Variants in CDH4 observed in about 807,000 individuals in gnomAD.
The protein encoded by CDH4 is cadherin-4.
In CDH4, 33 loss-of-function variants were observed where a neutral mutation model predicts 86.0. The ratio of observed to expected loss-of-function variants is 0.38; its 90% confidence interval spans 0.29 to 0.51. CDH4 has a LOEUF of 0.51. Among genes scored for constraint, CDH4 ranks in the 20% least tolerant of loss-of-function variants. The probability of loss-of-function intolerance (pLI) is 0.86; values close to 1 mark genes in which losing one functional copy is unlikely to be tolerated. For synonymous variants in CDH4, 555 were observed against 549.4 expected (o/e 1.01, Z -0.14); for missense variants, 1,114 against 1,307.4 (o/e 0.85, Z 2.28).
At chr20:61,637,293 G>A (rs1365880723) in intron 2 of CDH4, among the ~76,000 whole-genome samples, 5 of 152,144 alleles carry the variant, frequency 3.3e-5, no homozygotes, top group East Asian at 1.9e-4. Flanking sequence ...CTGTTTAACC[G>A]TTCTTAGGCT....
At chr20:61,801,032 G>C (rs1290862924) in intron 4 of CDH4, among the ~76,000 whole-genome samples, 1 of 152,174 alleles carries the variant, frequency 6.6e-6, no homozygotes. Flanking sequence ...CTTCTCATCT[G>C]TCAGTTTGGG....
chr20:61,875,782 G>A (rs966771136), intron 7 of CDH4, among the ~76,000 whole-genome samples: 2 of 152,202 alleles, frequency 1.3e-5, no homozygotes, highest in African/African-American at 4.8e-5. Context: ...ATTCAGCTAG[G>A]GAGATGATCC....
At chr20:61,493,082 A>C (rs1317624967) in intron 2 of CDH4, among the ~76,000 whole-genome samples, 1 of 152,236 alleles carries the variant, frequency 6.6e-6, no homozygotes, top group African/African-American at 2.4e-5. Context: ...ATTAGACTCT[A>C]ATAAAGTCAC....
intron 6 of CDH4, among the ~76,000 whole-genome samples, chr20:61,862,717 T>G (rs1983382381): frequency 6.6e-6 from 1 of 152,178 alleles, no homozygotes; most frequent in South Asian, 2.1e-4. Context: ...GAAAGACACC[T>G]CCGTATTGAT....
intron 2 of CDH4, among the ~76,000 whole-genome samples, chr20:61,619,543 G>A (rs576650541): frequency 1.1e-4 from 16 of 152,268 alleles, no homozygotes; most frequent in African/African-American, 3.9e-4. Flanking sequence ...GCTGGCCCCG[G>A]GCCACCCCTC....
At chr20:61,545,437 G>A (rs2086070898) in intron 2 of CDH4, among the ~76,000 whole-genome samples, 1 of 152,220 alleles carries the variant, frequency 6.6e-6, no homozygotes, top group African/African-American at 2.4e-5. Context: ...TCACGGGAAG[G>A]ACGCTGACCC....
chr20:61,631,461 G>A (rs2086887703), intron 2 of CDH4, among the ~76,000 whole-genome samples: 1 of 152,152 alleles, frequency 6.6e-6, no homozygotes, highest in Non-Finnish European at 1.5e-5. Flanking sequence ...CCAACATGGC[G>A]AAAACCCCTC....
rs533844678 is a variant in CDH4, at chr20:61,517,122, A to C, written c.170-226441A>C. 2.0e-4 allele frequency among the ~76,000 whole-genome samples: 30 copies of C among 152,228 alleles called. No individual in the cohort carries two copies. Among genetic ancestry groups the C allele is most frequent in the African/African-American group, 7.2e-4 (30 of 41,550 alleles). The stretch of plus-strand genomic sequence containing the variant: ...GGCCCCTTGTGGCCACGATCCCTTC[A>C]CCAAAGGGTAACCAGATTCCTGTAT... On this transcript the variant is annotated intron_variant, in intron 2 of 15. Coordinates refer to ENST00000614565, the MANE Select transcript of CDH4 (RefSeq NM_001794.5). This position sits in a 1 kb window ranked among gnomAD's most constrained non-coding sequence, Gnocchi z 6.6.
Position 61,934,100 on chromosome 20 carries a change from C to T in CDH4, c.2424C>T (p.His808=), listed in dbSNP as rs200863021. 5.6e-5 allele frequency: 90 copies of T among 1,611,398 alleles called. No individual in the cohort carries two copies. The Middle Eastern group carries it at 6.0e-4, about 11-fold the overall frequency. The change falls in exon 15 of 16, where the codon CAC becomes CAT. Residue 808 remains histidine, a synonymous_variant. Transcript: ENST00000614565. ...TGCAGCAGCCGGAAGCCATGGGGCA[C>T]GTGCCAAGCAAAGCCCCTGGCGTGC... ...SQLQQPEAMG[H]VPSKAPGVRR...
intron 2 of CDH4, among the ~76,000 whole-genome samples, chr20:61,475,931 A>C (rs756225988): frequency 1.4e-4 from 22 of 151,994 alleles, no homozygotes; most frequent in Non-Finnish European, 2.5e-4. Context: ...CCAAAGGCAG[A>C]ATTCCAGCTA....
intron 6 of CDH4, 91 bp from the exon 7 acceptor site, chr20:61,873,637 C>A: frequency 7.2e-7 from 1 of 1,389,410 alleles, no homozygotes; most frequent in Non-Finnish European, 9.9e-7. Flanking sequence ...TCACGGAGAG[C>A]TCTGTGGTCG....
intron 2 of CDH4, among the ~76,000 whole-genome samples, chr20:61,560,861 C>T (rs1287057085): frequency 6.6e-6 from 1 of 152,230 alleles, no homozygotes; most frequent in African/African-American, 2.4e-5. Context: ...TACTGGATCC[C>T]CCAGCCAGCG....
chr20:61,315,062 C>G (rs957217269), intron 2 of CDH4, among the ~76,000 whole-genome samples: 3 of 152,126 alleles, frequency 2.0e-5, no homozygotes, highest in African/African-American at 4.8e-5. Flanking sequence ...CCAGATGGGT[C>G]TAAACACGAA....
intron 2 of CDH4, among the ~76,000 whole-genome samples, chr20:61,330,840 G>C (rs2084568863): frequency 6.6e-6 from 1 of 152,136 alleles, no homozygotes; most frequent in Non-Finnish European, 1.5e-5. Context: ...CTGCTCTGTG[G>C]TTGGGCTGTA....
chr20:61,691,025 T>G (rs573564487), intron 2 of CDH4, among the ~76,000 whole-genome samples: 2 of 152,290 alleles, frequency 1.3e-5, no homozygotes, highest in East Asian at 3.9e-4. Flanking sequence ...CAGAATGATT[T>G]TAGCATTTGG....
At chr20:61,717,280 G>A (rs911297754) in intron 2 of CDH4, among the ~76,000 whole-genome samples, 12 of 152,304 alleles carry the variant, frequency 7.9e-5, no homozygotes, top group East Asian at 3.9e-4. Flanking sequence ...CCATGCCACC[G>A]GGAGCTAGTG....
intron 2 of CDH4, among the ~76,000 whole-genome samples, chr20:61,638,886 A>G (rs921354754): frequency 1.1e-4 from 16 of 152,188 alleles, no homozygotes; most frequent in Non-Finnish European, 1.6e-4. Context: ...GATTCCGCAC[A>G]GTGTAGGGTA....
rs925353217 is a variant in CDH4, at chr20:61,709,398, C to T, written c.170-34165C>T. Reference sequence around the variant, plus strand: ...CAAGCAATTCTCCTGCCTCAGCCACCCAAGTAGTTGGGATTACAGGCGGGT... The same window carrying T: ...CAAGCAATTCTCCTGCCTCAGCCACTCAAGTAGTTGGGATTACAGGCGGGT... On this transcript the variant is annotated intron_variant, in intron 2 of 15. Coordinates refer to ENST00000614565, the MANE Select transcript of CDH4 (RefSeq NM_001794.5). The surrounding 1 kb of genome is among the most constrained non-coding windows in gnomAD (Gnocchi z 4.8). Among the ~76,000 whole-genome samples the T allele has an allele frequency of 1.3e-5, 2 of 152,092 alleles. No individual in the cohort carries two copies. The highest frequency in any genetic ancestry group is 1.3e-4 in the Admixed American group (2 of 15,264).
intron 2 of CDH4, among the ~76,000 whole-genome samples, chr20:61,373,416 A>G (rs531709744): frequency 6.6e-6 from 1 of 152,342 alleles, no homozygotes; most frequent in Non-Finnish European, 1.5e-5. Context: ...AAGCTGATTC[A>G]AAGACCCTTT....
Sources: gnomAD v4.1 joint callset for allele counts (sites outside exome capture counted in the v4.1 genomes callset) on GRCh38, gnomAD v4.1.1 for gene constraint, Gnocchi (gnomAD v3.1) non-coding constraint, MANE v1.5 for transcripts, NCBI Gene and HGNC (gene_info 2026-07-23, HGNC 2026-07-21) for gene names.